ARAP2: variants seen among roughly 807,000 people sequenced by gnomAD.
ARAP2 encodes arf-GAP with Rho-GAP domain, ANK repeat and PH domain-containing protein 2.
ARAP2 carries 148 observed loss-of-function variants against 194.5 expected under a neutral mutation model. The ratio of observed to expected loss-of-function variants is 0.76; its 90% confidence interval spans 0.67 to 0.87. The LOEUF (loss-of-function observed/expected upper bound fraction) is 0.87. ARAP2 is among the 40% of genes least tolerant of loss of function. The probability of loss-of-function intolerance (pLI) is 0.00; values close to 1 mark genes in which losing one functional copy is unlikely to be tolerated. For missense variants in ARAP2, 2,128 were observed against 1,989.7 expected (o/e 1.07, Z -1.32); for synonymous variants, 695 against 683.5 (o/e 1.02, Z -0.26).
At chr4:36,036,931 C>T (rs961306668) in intron 5 of ARAP2, among the ~76,000 whole-genome samples, 65 of 152,202 alleles carry the variant, frequency 4.3e-4, no homozygotes, top group African/African-American at 1.5e-3. Flanking sequence ...AATTTAATAT[C>T]AATATACAGC....
intron 9 of ARAP2, among the ~76,000 whole-genome samples, chr4:36,171,667 T>A (rs1736671740): frequency 6.6e-6 from 1 of 151,748 alleles, no homozygotes; most frequent in South Asian, 2.1e-4. Context: ...ACTTAAAGTA[T>A]AATAATTAAA....
rs1725920440 is a variant in ARAP2, at chr4:36,133,445, T to C, written c.3264-56A>G. 6.0e-6 allele frequency: 9 copies of C among 1,493,620 alleles called. No individual in the cohort carries two copies. The South Asian group carries it at 8.5e-5, about 14-fold the overall frequency. The allele number at this position is 1,493,620 out of a possible 1,614,324, so 92.5% of individuals were successfully genotyped here. On this transcript the variant is annotated intron_variant, in intron 19 of 32. Transcript: ENST00000303965. ...AATTTTGCTCTTTAAAAAAAAATCTTACTCCAAGACAGATTACCCTAAAAT... is the reference window on the plus strand; with the variant it reads ...AATTTTGCTCTTTAAAAAAAAATCTCACTCCAAGACAGATTACCCTAAAAT...
intron 5 of ARAP2, among the ~76,000 whole-genome samples, chr4:36,032,228 C>G (rs1397424): frequency 0.8 from 121,232 of 152,080 alleles, 49,640 homozygotes; most frequent in Admixed American, 0.89. Flanking sequence ...AGGTCAAGAA[C>G]ATAGACACCA....
chr4:36,040,087 A>C (rs560017310), intron 5 of ARAP2, among the ~76,000 whole-genome samples: 1 of 152,302 alleles, frequency 6.6e-6, no homozygotes, highest in African/African-American at 2.4e-5. Context: ...ATTGCCCCTG[A>C]ATAAGTGAAG....
Position 36,117,285 on chromosome 4 carries a change from T to G in ARAP2, c.3964-150A>C, listed in dbSNP as rs150301285. The G allele has an allele frequency of 2.2e-4, 120 of 535,964 alleles. 1 individual carries two copies. In the East Asian group the frequency reaches 4.2e-3, roughly 19 times the overall value. 33.2% of individuals were successfully genotyped at this position (535,964 alleles called of 1,614,324 possible). A position where few individuals can be genotyped will look rare whatever the true frequency, so the allele number is the denominator to read the frequency against. The stretch of plus-strand genomic sequence containing the variant: ...AATTCCCCTGCTCACAAGCATGATG[T>G]GCCCATTTCCACATATGGTTAAGGA... On this transcript the variant is annotated intron_variant, in intron 24 of 32. Transcript: ENST00000303965.
At chr4:36,230,823 A>G (rs1176324620) in intron 1 of ARAP2, among the ~76,000 whole-genome samples, 1 of 152,228 alleles carries the variant, frequency 6.6e-6, no homozygotes, top group Non-Finnish European at 1.5e-5. Context: ...TGCATATGCC[A>G]CACGCCAACT....
intron 19 of ARAP2, 81 bp downstream of exon 19, chr4:36,147,215 T>C (rs73225587): frequency 0.37 from 442,598 of 1,207,176 alleles, 85,823 homozygotes; most frequent in East Asian, 0.49. Context: ...TATTGTTTTC[T>C]CCCTCAAGAT....
intron 6 of ARAP2, among the ~76,000 whole-genome samples, chr4:36,205,330 C>T (rs1578268786): frequency 6.6e-6 from 1 of 151,932 alleles, no homozygotes; most frequent in Non-Finnish European, 1.5e-5. Context: ...AACAGTAAGA[C>T]ATATAAAACA....
intron 1 of ARAP2, among the ~76,000 whole-genome samples, chr4:36,234,130 C>A (rs1471108387): frequency 6.6e-6 from 1 of 152,200 alleles, no homozygotes; most frequent in Non-Finnish European, 1.5e-5. Flanking sequence ...CACATTCACT[C>A]CATCATAAAG....
Position 36,068,178 on chromosome 4 carries a change from C to T in ARAP2, c.4844G>A (p.Cys1615Tyr), listed in dbSNP as rs1210643130. Residue 1615 changes from cysteine (C) to tyrosine (Y), a missense_variant, in exon 33 of 33, where the codon TGC becomes TAC. Physicochemically the swap from Cys to Tyr is radical, Grantham distance 194. Coordinates refer to ENST00000303965, the MANE Select transcript of ARAP2 (RefSeq NM_015230.4). ...LKERASMVAHCLEHKDDKLRN... is the reference protein window; with the variant it reads ...LKERASMVAHYLEHKDDKLRN... ...AAGTTTATCGTCCTTGTGCTCCAGG[C>T]AGTGGGCCACCATGGAAGCTCTCTC... is the stretch of plus-strand genomic sequence containing the variant. 3.1e-6 allele frequency: 5 copies of T among 1,613,786 alleles called. No homozygotes were observed. The highest frequency in any genetic ancestry group is 1.3e-5 in the African/African-American group (1 of 74,928).
rs1723528942 is a variant in ARAP2, at chr4:36,124,946, CT to C, written c.3661del (p.Arg1221GlufsTer20). The C allele has an allele frequency of 3.1e-6, 5 of 1,609,188 alleles. No homozygotes were observed. The highest frequency in any genetic ancestry group is 4.2e-6 in the Non-Finnish European group (5 of 1,177,048). The stretch of plus-strand genomic sequence containing the variant: ...TATAAATGCTCCATATTTTTTAATT[CT>C]TTCCTTGTCATCTTGCGTATCTGAA... ...SALDTQDDKERIKKYGAFIRS... is the reference protein window; with the variant it reads ...SALDTQDDKEXIKKYGAFIRS... On this transcript the variant is annotated frameshift_variant, in exon 22 of 33. Coordinates refer to ENST00000303965, the MANE Select transcript of ARAP2 (RefSeq NM_015230.4). LOFTEE classifies it high-confidence loss of function.
At chr4:36,145,396 A>C (rs527529573) in intron 19 of ARAP2, among the ~76,000 whole-genome samples, 15 of 152,070 alleles carry the variant, frequency 9.9e-5, no homozygotes, top group Non-Finnish European at 2.1e-4. Context: ...ATGCAGCTGA[A>C]GGTCCTTATC....
At position 36,103,198 on chromosome 4, in the gene ARAP2, C is replaced by T. The variant is rs148521646; in HGVS notation, c.4285+4367G>A. Among the ~76,000 whole-genome samples the T allele has an allele frequency of 2.8e-4, 43 of 151,728 alleles. No individual in the cohort carries two copies. In the East Asian group the frequency reaches 7.8e-3, roughly 27 times the overall value. Reference sequence around the variant, plus strand: ...GCAAATTTAATTCCATAGCATCTGTCATATACAGCAATCTAAACTTAGAAA... The same window carrying T: ...GCAAATTTAATTCCATAGCATCTGTTATATACAGCAATCTAAACTTAGAAA... On this transcript the variant is annotated intron_variant, in intron 27 of 32. Coordinates refer to ENST00000303965, the MANE Select transcript of ARAP2 (RefSeq NM_015230.4).
chr4:36,221,608 T>A (rs962359280), intron 2 of ARAP2, among the ~76,000 whole-genome samples: 4 of 152,082 alleles, frequency 2.6e-5, no homozygotes, highest in African/African-American at 9.7e-5. Flanking sequence ...ATAAATAAAA[T>A]GTGAAGAAAA....
In ARAP2 at chr4:36,223,550, G is replaced by A. The variant is rs1026959543; in HGVS notation, c.905+5032C>T. On this transcript the variant is annotated intron_variant, in intron 2 of 32. Coordinates refer to ENST00000303965, the MANE Select transcript of ARAP2 (RefSeq NM_015230.4). ...ATGCAAGTAAAGAAAAACTATTGTT[G>A]TGAATAAAATTGTGTCCCTACCCCA... Among the ~76,000 whole-genome samples, 107 of 152,112 alleles carry A rather than the reference G, an allele frequency of 7.0e-4. 3 individuals are homozygous for A. Among genetic ancestry groups the A allele is most frequent in the Non-Finnish European group, 8.8e-5 (6 of 68,004 alleles).
At chr4:36,223,179 G>A (rs991479206) in intron 2 of ARAP2, among the ~76,000 whole-genome samples, 1 of 151,824 alleles carries the variant, frequency 6.6e-6, no homozygotes, top group East Asian at 1.9e-4. Context: ...TTTCAAAAAA[G>A]GGAAATTTTA....
At chr4:36,007,284 T>G (rs75173119) in intron 9 of ARAP2, among the ~76,000 whole-genome samples, 3,024 of 152,252 alleles carry the variant, frequency 0.02, 45 homozygotes, top group Non-Finnish European at 0.033. Context: ...TAAAGTAACT[T>G]GAAATTATAC....
At chr4:36,158,675 T>C in intron 15 of ARAP2, 55 bp downstream of exon 15, 1 of 1,423,244 alleles carries the variant, frequency 7.0e-7, no homozygotes, top group Non-Finnish European at 9.5e-7. Flanking sequence ...CTAATTGTTT[T>C]GATAATGGAA....
At chr4:36,114,147 T>C (rs1232299948) in intron 26 of ARAP2, 23 bp downstream of exon 26, 2 of 1,437,346 alleles carry the variant, frequency 1.4e-6, no homozygotes, top group South Asian at 1.2e-5. Flanking sequence ...AATTTAAGAA[T>C]CCCTAGCATA....
Sources: allele counts gnomAD v4.1 joint callset (sites outside exome capture counted in the v4.1 genomes callset), GRCh38; gene constraint gnomAD v4.1.1; transcripts MANE v1.5; gene names NCBI Gene and HGNC (gene_info 2026-07-23, HGNC 2026-07-21).